Variants in KCNT2 observed in about 807,000 individuals in gnomAD.
KCNT2 encodes the protein potassium channel subfamily T member 2.
Under a neutral mutation model 153.8 loss-of-function variants are expected in KCNT2, and 67 were observed. That is an observed-to-expected ratio of 0.44 (90% CI 0.36 to 0.53). The LOEUF (loss-of-function observed/expected upper bound fraction) is 0.53, where lower values mean the gene tolerates loss of function less well. Ranked by LOEUF, KCNT2 falls within the 20% of genes least tolerant of loss-of-function variation. The pLI is 0.00. For synonymous variants in KCNT2, 500 were observed against 458.8 expected (o/e 1.09, Z -1.15); for missense variants, 975 against 1,354.8 (o/e 0.72, Z 4.40).
chr1:196,230,839 G>T lies in KCNT2; in HGVS notation c.3297-2504C>A, dbSNP rs182879884. On this transcript the variant is annotated intron_variant, in intron 27 of 27. Coordinates refer to ENST00000294725, the MANE Select transcript of KCNT2 (RefSeq NM_198503.5). ...AAGATGCTATGAACATTGTTGAAAT[G>T]ACTGTAAAGAATTTATATTATTACA... Among the ~76,000 whole-genome samples, 96 of 152,054 alleles carry T rather than the reference G, an allele frequency of 6.3e-4. 1 individual carries two copies. The highest frequency in any genetic ancestry group is 2.1e-3 in the South Asian group (10 of 4,826).
chr1:196,387,362 C>T (rs903342990), intron 13 of KCNT2, among the ~76,000 whole-genome samples: 2 of 151,926 alleles, frequency 1.3e-5, no homozygotes, highest in African/African-American at 4.8e-5. Flanking sequence ...TCACTCATAT[C>T]TGCATTCATT....
chr1:196,518,011 A>C (rs77079937), intron 1 of KCNT2, among the ~76,000 whole-genome samples: 2,638 of 152,324 alleles, frequency 0.017, 39 homozygotes, highest in Non-Finnish European at 0.028. Context: ...AGGCAGCTAG[A>C]GAGAAAGGGC....
At chr1:196,388,351 C>T (rs1572265828) in intron 13 of KCNT2, among the ~76,000 whole-genome samples, 1 of 151,810 alleles carries the variant, frequency 6.6e-6, no homozygotes, top group Non-Finnish European at 1.5e-5. Flanking sequence ...GATATTCTGA[C>T]ATGAATCTTC....
chr1:196,517,148 C>T (rs1201246966), intron 1 of KCNT2, among the ~76,000 whole-genome samples: 1 of 152,294 alleles, frequency 6.6e-6, no homozygotes, highest in South Asian at 2.1e-4. Flanking sequence ...GAACAGAGCA[C>T]CCACCTCACA....
chr1:196,541,066 AAAAT>A (rs1226552421), intron 1 of KCNT2, among the ~76,000 whole-genome samples: 3 of 151,408 alleles, frequency 2.0e-5, no homozygotes, highest in East Asian at 3.9e-4. Context: ...AGTCCGTCTC[AAAAT>A]AAATAAATAA....
chr1:196,288,299 A>G (rs1362715825), intron 22 of KCNT2, among the ~76,000 whole-genome samples: 1 of 151,862 alleles, frequency 6.6e-6, no homozygotes, highest in African/African-American at 2.4e-5. Flanking sequence ...TTTTAAGGTA[A>G]TGGGGATGCA....
intron 1 of KCNT2, among the ~76,000 whole-genome samples, chr1:196,513,588 T>C (rs895547220): frequency 6.6e-6 from 1 of 152,202 alleles, no homozygotes; most frequent in African/African-American, 2.4e-5. Flanking sequence ...GAACAACTCT[T>C]ACGTTAACTA....
At chr1:196,256,571 C>A (rs1275017719) in intron 26 of KCNT2, among the ~76,000 whole-genome samples, 4 of 121,462 alleles carry the variant, frequency 3.3e-5, no homozygotes, top group Admixed American at 8.7e-5. Context: ...TATTTTTCAA[C>A]ATTTCCTTAT....
intron 13 of KCNT2, among the ~76,000 whole-genome samples, chr1:196,374,462 A>G (rs935611022): frequency 2.0e-5 from 3 of 151,972 alleles, no homozygotes; most frequent in African/African-American, 4.8e-5. Context: ...GGAAGAAAAT[A>G]TATACTATGG....
At chr1:196,480,076 G>C (rs10801541) in intron 4 of KCNT2, among the ~76,000 whole-genome samples, 150,282 of 152,336 alleles carry the variant, frequency 0.99, 74,154 homozygotes, top group Middle Eastern at 1. Flanking sequence ...ACCATCTCTA[G>C]TGTTAACTAC....
At chr1:196,519,548 C>A (rs948095388) in intron 1 of KCNT2, among the ~76,000 whole-genome samples, 2 of 151,558 alleles carry the variant, frequency 1.3e-5, no homozygotes, top group African/African-American at 2.4e-5. Flanking sequence ...TAGGCTAATA[C>A]CTAGACTAAT....
chr1:196,495,933 T>G (rs1410789399), intron 1 of KCNT2, among the ~76,000 whole-genome samples: 2 of 152,214 alleles, frequency 1.3e-5, no homozygotes, highest in Admixed American at 6.5e-5. Context: ...TTATATATTC[T>G]TTGTGACACT....
chr1:196,387,398 T>G (rs1324255541), intron 13 of KCNT2, among the ~76,000 whole-genome samples: 1 of 151,978 alleles, frequency 6.6e-6, no homozygotes, highest in Non-Finnish European at 1.5e-5. Flanking sequence ...CATTCCTGTG[T>G]CAGTGTATAA....
chr1:196,234,397 ACTT>A (rs1423746397), intron 27 of KCNT2, among the ~76,000 whole-genome samples: 1 of 151,136 alleles, frequency 6.6e-6, no homozygotes, highest in Non-Finnish European at 1.5e-5. Context: ...GCTGTGTTAA[ACTT>A]CTTTTTCAAT....
At chr1:196,311,280 C>A (rs1662152844) in intron 21 of KCNT2, among the ~76,000 whole-genome samples, 1 of 151,786 alleles carries the variant, frequency 6.6e-6, no homozygotes, top group African/African-American at 2.4e-5. Flanking sequence ...TTCATCACTG[C>A]AGCCACAGCA....
At chr1:196,594,202 A>T (rs1479045013) in intron 1 of KCNT2, among the ~76,000 whole-genome samples, 1 of 152,128 alleles carries the variant, frequency 6.6e-6, no homozygotes, top group Non-Finnish European at 1.5e-5. Context: ...CAGTCATTTG[A>T]ACTGTCACAG....
At chr1:196,402,197 C>T (rs1671471286) in intron 12 of KCNT2, among the ~76,000 whole-genome samples, 1 of 151,368 alleles carries the variant, frequency 6.6e-6, no homozygotes, top group Non-Finnish European at 1.5e-5. Context: ...ACTATATAAA[C>T]TCAAGAAAAA....
At chr1:196,570,067 TAAAAAAAAAAA>T (rs199836975) in intron 1 of KCNT2, among the ~76,000 whole-genome samples, 81 of 133,744 alleles carry the variant, frequency 6.1e-4, no homozygotes, top group African/African-American at 2.4e-3. Flanking sequence ...TGAGCTAGAG[TAAAAAAAAAAA>T]AAAAAAAAAA....
intron 1 of KCNT2, among the ~76,000 whole-genome samples, chr1:196,592,788 G>A (rs1481617915): frequency 2.7e-5 from 4 of 147,210 alleles, no homozygotes; most frequent in Non-Finnish European, 6.0e-5. Flanking sequence ...ACAAGAGGGA[G>A]TCTATAGTCA....
Sources: allele counts gnomAD v4.1 joint callset (sites outside exome capture counted in the v4.1 genomes callset), GRCh38; gene constraint gnomAD v4.1.1; transcripts MANE v1.5; gene names NCBI Gene and HGNC (gene_info 2026-07-23, HGNC 2026-07-21).